Variants in PLBD2 observed in about 807,000 individuals in gnomAD.
The protein encoded by PLBD2 is phospholipase B domain containing 2, also known as putative aminopeptidase PLBD2.
A neutral mutation model predicts 68.3 loss-of-function variants in PLBD2; 51 were observed. That is an observed-to-expected ratio of 0.75 (90% CI 0.60 to 0.94). The LOEUF is 0.94. Among genes scored for constraint, PLBD2 ranks in the 40% least tolerant of loss-of-function variants. PLBD2 has a pLI of 0.00. For synonymous variants in PLBD2, 314 were observed against 339.3 expected (o/e 0.93, Z 0.82); for missense variants, 729 against 792.2 (o/e 0.92, Z 0.96).
chr12:113,369,606 G>A (rs1957371401), intron 2 of PLBD2, among the ~76,000 whole-genome samples: 1 of 152,042 alleles, frequency 6.6e-6, no homozygotes, highest in African/African-American at 2.4e-5. Context: ...GCTATAAACG[G>A]GAATAAAGGA....
intron 1 of PLBD2, among the ~76,000 whole-genome samples, chr12:113,363,085 T>C (rs1464743781): frequency 6.6e-6 from 1 of 152,012 alleles, no homozygotes; most frequent in Admixed American, 6.6e-5. Context: ...TGTGAGCTAT[T>C]GTGCCTGGCC....
At position 113,358,688 on chromosome 12, in the gene PLBD2, C is replaced by CT; in HGVS notation, c.89dup (p.Val31GlyfsTer52). 7.0e-7 allele frequency: 1 copy of CT among 1,426,228 alleles called. No individual in the cohort carries two copies. The allele number at this position is 1,426,228 out of a possible 1,614,324, so 88.3% of individuals were successfully genotyped here. ...GGCGCTGGCCCTGGTGCTGGCCCTG[C>CT]TGGTCGGGCCGTTCCTGAGCGGCCT... On this transcript the variant is annotated frameshift_variant, in exon 1 of 12. Coordinates refer to ENST00000280800, the MANE Select transcript of PLBD2 (RefSeq NM_173542.4). LOFTEE classifies it high-confidence loss of function.
rs761416600 is a variant in PLBD2 at position 113,387,789 on chromosome 12, C to T, written c.1485C>T (p.Cys495=). 8 of 1,614,072 alleles carry T rather than the reference C, an allele frequency of 5.0e-6. No homozygotes were observed. Among genetic ancestry groups the T allele is most frequent in the Middle Eastern group, 1.6e-4 (1 of 6,084 alleles). The change falls in exon 11 of 12, where the codon TGC becomes TGT. Residue 495 remains cysteine (C), a synonymous_variant. Coordinates refer to ENST00000280800, the MANE Select transcript of PLBD2 (RefSeq NM_173542.4). ...LHDPLSLCKA[C]NPQPNGENAI... is the part of the protein sequence containing the mutation. ...ACCCTCTGTCACTGTGCAAAGCCTGCAACCCCCAGCCCAATGGGGAGAATG... is the reference window on the plus strand; with the variant it reads ...ACCCTCTGTCACTGTGCAAAGCCTGTAACCCCCAGCCCAATGGGGAGAATG...
At chr12:113,377,157 G>A (rs1957443713) in intron 5 of PLBD2, 2 of 152,214 alleles carry the variant, frequency 1.3e-5, no homozygotes, top group African/African-American at 4.8e-5. Flanking sequence ...TGCATGGGGA[G>A]TGTGTATAAG....
chr12:113,388,273 C>G (rs1354147550), intron 11 of PLBD2, among the ~76,000 whole-genome samples, 186 bp from the exon 12 acceptor site: 1 of 151,784 alleles, frequency 6.6e-6, no homozygotes, highest in East Asian at 1.9e-4. Context: ...ACCCGGGAGG[C>G]AGAGGTTGCA....
chr12:113,373,854 A>G (rs1385607804), intron 3 of PLBD2, among the ~76,000 whole-genome samples: 1 of 132,836 alleles, frequency 7.5e-6, no homozygotes, highest in African/African-American at 2.9e-5. Context: ...ACCCATACAT[A>G]CATACATCCA....
At chr12:113,363,264 A>C (rs934267673) in intron 1 of PLBD2, among the ~76,000 whole-genome samples, 30 of 152,036 alleles carry the variant, frequency 2.0e-4, no homozygotes, top group Non-Finnish European at 3.5e-4. Flanking sequence ...GTGAGACCCT[A>C]TCTCTGCAAA....
intron 3 of PLBD2, among the ~76,000 whole-genome samples, chr12:113,373,630 A>G (rs1593284124): frequency 6.7e-6 from 1 of 149,890 alleles, no homozygotes; most frequent in East Asian, 2.0e-4. Context: ...TCACCCATCT[A>G]CCTATCCATC....
intron 9 of PLBD2, 104 bp from the exon 10 acceptor site, chr12:113,386,833 G>T: frequency 1.5e-6 from 2 of 1,372,134 alleles, no homozygotes; most frequent in Non-Finnish European, 2.0e-6. Flanking sequence ...TGTCGTAGTT[G>T]TAAGTAATAA....
intron 3 of PLBD2, among the ~76,000 whole-genome samples, chr12:113,373,400 CA>C (rs1006196227): frequency 3.3e-5 from 5 of 152,188 alleles, no homozygotes; most frequent in African/African-American, 1.2e-4. Context: ...GTAAAGTGGC[CA>C]TCAATGCCTG....
At chr12:113,383,906 C>T (rs140054510) in intron 6 of PLBD2, among the ~76,000 whole-genome samples, 199 bp from the exon 7 acceptor site, 364 of 146,264 alleles carry the variant, frequency 2.5e-3, no homozygotes, top group African/African-American at 6.6e-3. Flanking sequence ...GGCTGAAGCA[C>T]GAAAATTGCT....
intron 2 of PLBD2, among the ~76,000 whole-genome samples, chr12:113,371,179 T>C (rs755236007): frequency 4.6e-5 from 7 of 152,188 alleles, no homozygotes; most frequent in Non-Finnish European, 8.8e-5. Context: ...GACATCAACT[T>C]GTGGAGTTGA....
intron 2 of PLBD2, among the ~76,000 whole-genome samples, chr12:113,370,898 G>T (rs143981524): frequency 6.6e-6 from 1 of 152,120 alleles, no homozygotes; most frequent in African/African-American, 2.4e-5. Flanking sequence ...TCCATTGATG[G>T]CCTAACCAGT....
chr12:113,359,066 T>G (rs12826247), intron 1 of PLBD2, among the ~76,000 whole-genome samples, 176 bp downstream of exon 1: 13,644 of 152,280 alleles, frequency 0.09, 808 homozygotes, highest in East Asian at 0.21. Context: ...GTTTGGGAGC[T>G]GGCTACTGCG....
At chr12:113,374,767 C>A in intron 4 of PLBD2, 26 bp from the exon 5 acceptor site, 1 of 1,612,250 alleles carries the variant, frequency 6.2e-7, no homozygotes. Flanking sequence ...GGCGTGGTAA[C>A]CCTCTGATGC....
Position 113,369,146 on chromosome 12 carries a change from C to T in PLBD2, c.321C>T (p.Gly107=). 6.2e-7 allele frequency: 1 copy of T among 1,605,324 alleles called. No homozygotes were observed. The highest frequency in any genetic ancestry group is 8.5e-7 in the Non-Finnish European group (1 of 1,176,122). Residue 107 remains glycine (G), a synonymous_variant, in exon 2 of 12, where the codon GGC becomes GGT. Coordinates refer to ENST00000280800, the MANE Select transcript of PLBD2 (RefSeq NM_173542.4). ...GWAFLELGTS[G]QYNDSLQAYA... ...CCTTCCTGGAGCTGGGCACAAGTGG[C>T]CAATACAATGACAGCTTGCAGGCCT...
At chr12:113,367,759 A>AG (rs1555205486) in intron 1 of PLBD2, among the ~76,000 whole-genome samples, 8 of 148,096 alleles carry the variant, frequency 5.4e-5, no homozygotes, top group African/African-American at 2.0e-4. Flanking sequence ...AAAAAAAAAA[A>AG]AAAAAAGAAA....
At chr12:113,381,363 CT>C (rs1957488616) in intron 6 of PLBD2, among the ~76,000 whole-genome samples, 1 of 151,236 alleles carries the variant, frequency 6.6e-6, no homozygotes, top group African/African-American at 2.4e-5. Context: ...TTGTTTTCAT[CT>C]TTTTTCCTGG....
chr12:113,385,953 G>GT (rs1419622810), intron 9 of PLBD2, among the ~76,000 whole-genome samples: 2 of 152,142 alleles, frequency 1.3e-5, no homozygotes, highest in African/African-American at 4.8e-5. Context: ...GTTTCACCAT[G>GT]TTGGCCAGTC....
Sources: gnomAD v4.1 joint callset for allele counts (sites outside exome capture counted in the v4.1 genomes callset) on GRCh38, gnomAD v4.1.1 for gene constraint, MANE v1.5 for transcripts, NCBI Gene and HGNC (gene_info 2026-07-23, HGNC 2026-07-21) for gene names.